Variants in LRP1B observed in about 807,000 individuals in gnomAD.
LRP1B encodes the protein LDL receptor related protein 1B.
In LRP1B, 217 loss-of-function variants were observed where a neutral mutation model predicts 556.6. That is an observed-to-expected ratio of 0.39 (90% CI 0.35 to 0.44). The LOEUF (loss-of-function observed/expected upper bound fraction) is 0.44, where lower values mean the gene tolerates loss of function less well. LRP1B is among the 20% of genes least tolerant of loss of function. The probability of loss-of-function intolerance (pLI) is 1.00; values close to 1 mark genes in which losing one functional copy is unlikely to be tolerated. For synonymous variants in LRP1B, 2,047 were observed against 1,865.8 expected, an observed-to-expected ratio of 1.10 and a Z score of -2.50; for missense variants, 5,053 against 5,620.8, an observed-to-expected ratio of 0.90 and a Z score of 3.23.
chr2:140,820,093 G>A (rs531765183), intron 31 of LRP1B, among the ~76,000 whole-genome samples: 2 of 152,006 alleles, frequency 1.3e-5, no homozygotes, highest in East Asian at 1.9e-4. Flanking sequence ...TCTGCCTCCC[G>A]GGCTCAAGAG....
At chr2:140,256,690 A>G (rs1681709272) in intron 86 of LRP1B, among the ~76,000 whole-genome samples, 1 of 150,978 alleles carries the variant, frequency 6.6e-6, no homozygotes, top group Non-Finnish European at 1.5e-5. Flanking sequence ...GATGGTCTCA[A>G]TCTCTTGACC....
intron 41 of LRP1B, among the ~76,000 whole-genome samples, chr2:140,632,503 A>G (rs112852618): frequency 6.6e-6 from 1 of 152,182 alleles, no homozygotes; most frequent in Non-Finnish European, 1.5e-5. Context: ...ATATAAAGCA[A>G]AATATAATTG....
intron 2 of LRP1B, among the ~76,000 whole-genome samples, chr2:141,515,434 C>T (rs1684278285): frequency 6.6e-6 from 1 of 151,982 alleles, no homozygotes; most frequent in South Asian, 2.1e-4. Flanking sequence ...ATATCAAGAC[C>T]AAATTAGAAA....
At chr2:141,223,876 A>G (rs967046004) in intron 6 of LRP1B, among the ~76,000 whole-genome samples, 1 of 152,208 alleles carries the variant, frequency 6.6e-6, no homozygotes, top group Non-Finnish European at 1.5e-5. Context: ...TTATACAAAA[A>G]TTAACTCAAG....
chr2:140,305,521 G>A (rs1386898061), intron 83 of LRP1B, among the ~76,000 whole-genome samples: 1 of 152,190 alleles, frequency 6.6e-6, no homozygotes, highest in Non-Finnish European at 1.5e-5. Context: ...AGACTTTGCT[G>A]AAGTTGCTTA....
At chr2:141,805,014 C>A (rs1696125560) in intron 2 of LRP1B, among the ~76,000 whole-genome samples, 1 of 151,994 alleles carries the variant, frequency 6.6e-6, no homozygotes, top group Non-Finnish European at 1.5e-5. Flanking sequence ...TCTCTTCTCC[C>A]CTTTTCTTTA....
intron 2 of LRP1B, among the ~76,000 whole-genome samples, chr2:141,764,877 C>T (rs954281557): frequency 6.6e-6 from 1 of 150,876 alleles, no homozygotes; most frequent in Non-Finnish European, 1.5e-5. Flanking sequence ...AATATTTTAT[C>T]AGATCAGTTT....
chr2:140,859,620 T>G (rs1185065609), intron 27 of LRP1B, among the ~76,000 whole-genome samples: 1 of 152,180 alleles, frequency 6.6e-6, no homozygotes. Flanking sequence ...TTTATTTTAT[T>G]ATATTATGCT....
intron 2 of LRP1B, among the ~76,000 whole-genome samples, chr2:141,785,009 T>C (rs1695384207): frequency 6.6e-6 from 1 of 151,944 alleles, no homozygotes; most frequent in Non-Finnish European, 1.5e-5. Context: ...AGGAGTTCTC[T>C]GGCATACTAG....
intron 27 of LRP1B, among the ~76,000 whole-genome samples, chr2:140,865,152 A>G (rs1239932347): frequency 6.6e-6 from 1 of 152,018 alleles, no homozygotes; most frequent in Non-Finnish European, 1.5e-5. Context: ...AGAGATCTAA[A>G]ATATATTTCT....
intron 37 of LRP1B, among the ~76,000 whole-genome samples, chr2:140,705,296 G>A (rs1283584947): frequency 1.3e-5 from 2 of 151,986 alleles, no homozygotes; most frequent in Non-Finnish European, 2.9e-5. Context: ...GGCTGAGGCA[G>A]GCGTATCACT....
chr2:140,808,567 T>A (rs1690809041), intron 32 of LRP1B, among the ~76,000 whole-genome samples: 1 of 152,160 alleles, frequency 6.6e-6, no homozygotes, highest in Non-Finnish European at 1.5e-5. Context: ...ATTTTTTCCC[T>A]TAATATTCAA....
At chr2:141,678,905 T>A (rs1056206991) in intron 2 of LRP1B, among the ~76,000 whole-genome samples, 1 of 152,160 alleles carries the variant, frequency 6.6e-6, no homozygotes, top group Non-Finnish European at 1.5e-5. Flanking sequence ...CCCTTGTATG[T>A]GGATGGACCT....
chr2:141,407,809 TTTTA>T (rs1435497532), intron 3 of LRP1B, among the ~76,000 whole-genome samples: 1 of 152,216 alleles, frequency 6.6e-6, no homozygotes, highest in Non-Finnish European at 1.5e-5. Flanking sequence ...AGATATTTCT[TTTTA>T]ACGATGTAAG....
intron 1 of LRP1B, among the ~76,000 whole-genome samples, chr2:142,107,206 C>T (rs111542713): frequency 1.1e-4 from 17 of 152,176 alleles, no homozygotes; most frequent in African/African-American, 4.1e-4. Flanking sequence ...AAGGTTGATG[C>T]TATGTTTTAA....
Position 141,112,047 on chromosome 2 carries a change from A to AAAATAAAT in LRP1B, c.1014-49782_1014-49775dup, listed in dbSNP as rs1163850427. Among the ~76,000 whole-genome samples the AAAATAAAT allele has an allele frequency of 3.5e-3, 344 of 99,422 alleles. 4 individuals are homozygous for AAAATAAAT. The highest frequency in any genetic ancestry group is 0.012 in the African/African-American group (332 of 28,140). 65.2% of individuals were successfully genotyped at this position (99,422 alleles called of 152,430 possible). ...GGCAACAGAGTGAGACCCTGCCTCA[A>AAAATAAAT]AAATAAATAAATAAATAAATAAATA... is the stretch of plus-strand genomic sequence containing the variant. On this transcript the variant is annotated intron_variant, in intron 7 of 90. Transcript: ENST00000389484.
chr2:140,693,220 T>A (rs1173434499), intron 41 of LRP1B, among the ~76,000 whole-genome samples: 1 of 152,226 alleles, frequency 6.6e-6, no homozygotes, highest in Non-Finnish European at 1.5e-5. Context: ...TACAAATTTA[T>A]ATTTCTTTAA....
chr2:140,495,431 T>C (rs1176092473), intron 56 of LRP1B, 134 bp downstream of exon 56: 1 of 659,722 alleles, frequency 1.5e-6, no homozygotes, highest in African/African-American at 1.8e-5. Context: ...CAGATTCTCA[T>C]ATCAAGGGAA....
chr2:142,044,682 C>T (rs998271191), intron 1 of LRP1B, among the ~76,000 whole-genome samples: 3 of 151,628 alleles, frequency 2.0e-5, no homozygotes, highest in Admixed American at 6.6e-5. Context: ...CAATTCTATT[C>T]TTTTCTCTTT....
Sources: gnomAD v4.1 joint callset for allele counts (sites outside exome capture counted in the v4.1 genomes callset) on GRCh38, gnomAD v4.1.1 for gene constraint, MANE v1.5 for transcripts, NCBI Gene and HGNC (gene_info 2026-07-23, HGNC 2026-07-21) for gene names.